EHD3: variants seen among roughly 807,000 people sequenced by gnomAD.
The protein encoded by EHD3 is EH domain containing 3.
A neutral mutation model predicts 43.0 loss-of-function variants in EHD3; 17 were observed. That is an observed-to-expected ratio of 0.40 (90% confidence interval 0.27 to 0.59). The LOEUF is 0.59. EHD3 is among the 20% of genes least tolerant of loss of function. The pLI is 0.49. For synonymous variants in EHD3, 313 were observed against 289.5 expected (o/e 1.08, Z -0.82); for missense variants, 594 against 705.6 (o/e 0.84, Z 1.79).
At position 31,261,575 on chromosome 2, in the gene EHD3, G is replaced by A. The variant is rs1355985247; in HGVS notation, c.942G>A (p.Leu314=). 6.2e-7 allele frequency: 1 copy of A among 1,614,232 alleles called. No homozygotes were observed. The highest frequency in any genetic ancestry group is 1.1e-5 in the South Asian group (1 of 91,090). ...TCCACGCCTACATCATCAGCTCTCT[G>A]AAGAAGGAGATGCCCTCGGTGTTCG... is the stretch of plus-strand genomic sequence containing the variant. ...AKVHAYIISS[L]KKEMPSVFGK... The change falls in exon 5 of 6, where the codon CTG becomes CTA. Residue 314 remains leucine (L), a synonymous_variant. Coordinates refer to ENST00000322054, the MANE Select transcript of EHD3 (RefSeq NM_014600.3).
At chr2:31,252,471 G>GC (rs1463968678) in intron 3 of EHD3, among the ~76,000 whole-genome samples, 2 of 152,134 alleles carry the variant, frequency 1.3e-5, no homozygotes, top group African/African-American at 4.8e-5. Flanking sequence ...TGTTGTTGTT[G>GC]TTGTTGCTGT....
intron 3 of EHD3, among the ~76,000 whole-genome samples, chr2:31,256,437 G>A (rs905486409): frequency 3.9e-5 from 6 of 152,132 alleles, no homozygotes; most frequent in African/African-American, 1.2e-4. Flanking sequence ...CGTTTTCCAC[G>A]TTTCACTTCC....
chr2:31,251,317 G>T (rs1406826855), intron 3 of EHD3, among the ~76,000 whole-genome samples: 1 of 152,198 alleles, frequency 6.6e-6, no homozygotes, highest in East Asian at 1.9e-4. Context: ...GGAGTGGAAA[G>T]GGAAGACAGT....
intron 1 of EHD3, among the ~76,000 whole-genome samples, chr2:31,243,821 A>G (rs1394745031): frequency 6.6e-6 from 1 of 152,008 alleles, no homozygotes; most frequent in Non-Finnish European, 1.5e-5. Flanking sequence ...AGCTATTTTT[A>G]TATTAAAGAA....
intron 3 of EHD3, among the ~76,000 whole-genome samples, chr2:31,254,153 G>T (rs751574772): frequency 9.2e-5 from 14 of 152,142 alleles, no homozygotes; most frequent in Non-Finnish European, 1.9e-4. Context: ...TAGGGAACTC[G>T]GGTCTTCCTA....
At chr2:31,265,684 A>G (rs1368770354) in intron 5 of EHD3, among the ~76,000 whole-genome samples, 3 of 152,114 alleles carry the variant, frequency 2.0e-5, no homozygotes, top group Non-Finnish European at 4.4e-5. Context: ...CTACCTCAGA[A>G]GGGCGCTGGG....
intron 3 of EHD3, among the ~76,000 whole-genome samples, chr2:31,250,993 C>G (rs772905337): frequency 6.6e-6 from 1 of 152,244 alleles, no homozygotes; most frequent in Non-Finnish European, 1.5e-5. Flanking sequence ...AACCTTTGCT[C>G]TTTCTGCAAG....
rs868772924 is a variant in EHD3 at position 31,266,879 on chromosome 2, G to A, written c.*175G>A. On this transcript the variant is annotated 3_prime_UTR_variant, in exon 6 of 6. Coordinates refer to ENST00000322054, the MANE Select transcript of EHD3 (RefSeq NM_014600.3). This position sits in a 1 kb window ranked among gnomAD's most constrained non-coding sequence, Gnocchi z 5.1. ...ACGCCCATGTTTGCAGCTGATACTT[G>A]TTTGGGCACACCTCCAAGTTCTCGG... The A allele has an allele frequency of 1.1e-4, 89 of 807,180 alleles. No homozygotes were observed. The Middle Eastern group carries it at 2.2e-3, about 20-fold the overall frequency. 50.0% of individuals were successfully genotyped at this position (807,180 alleles called of 1,614,324 possible).
At position 31,260,940 on chromosome 2, in the gene EHD3, G is replaced by C. The variant is rs1412261756; in HGVS notation, c.915+18G>C. On this transcript the variant is annotated intron_variant, in intron 4 of 5. Transcript: ENST00000322054. The surrounding 1 kb of genome is among the most constrained non-coding windows in gnomAD (Gnocchi z 4.6). ...TGGCCAAGGTGAGGCAGCCCCCTGG[G>C]AGGTGGGCAGCTTGGGCAGGGGCCC... The C allele has an allele frequency of 6.4e-7, 1 of 1,572,898 alleles. No homozygotes were observed. Among genetic ancestry groups the C allele is most frequent in the Non-Finnish European group, 8.6e-7 (1 of 1,161,190 alleles).
In EHD3 at chr2:31,234,370, C is replaced by G; in HGVS notation, c.-252C>G. 7.6e-6 allele frequency: 4 copies of G among 527,846 alleles called. No homozygotes were observed. Among genetic ancestry groups the G allele is most frequent in the Non-Finnish European group, 1.4e-5 (4 of 293,830 alleles). The allele number at this position is 527,846 out of a possible 1,614,324, so 32.7% of individuals were successfully genotyped here. ...TTGCCAAGATTTCACCCCTCCTCCT[C>G]AAGCCCAGATTATTTATCCTCCCTC... On this transcript the variant is annotated 5_prime_UTR_variant, in exon 1 of 6. Coordinates refer to ENST00000322054, the MANE Select transcript of EHD3 (RefSeq NM_014600.3).
intron 3 of EHD3, among the ~76,000 whole-genome samples, chr2:31,254,528 C>T (rs1035660341): frequency 2.0e-5 from 3 of 152,252 alleles, no homozygotes; most frequent in African/African-American, 7.2e-5. Context: ...TCTAATGTGG[C>T]ATTTCTTCCC....
Position 31,261,654 on chromosome 2 carries a change from C to T in EHD3, c.1021C>T (p.Arg341Trp), listed in dbSNP as rs370790409. The change falls in exon 5 of 6, where the codon CGG becomes TGG. Residue 341 changes from arginine to tryptophan, a missense_variant. Arg to Trp is a moderately radical substitution (Grantham distance 101). Around this residue, in one of 3 missense-constraint regions of EHD3, gnomAD observed 322 missense variants for 348.0 expected, o/e 0.93. Coordinates refer to ENST00000322054, the MANE Select transcript of EHD3 (RefSeq NM_014600.3). ...CAACAACCTGGCCGAGATCTATGGC[C>T]GGATCGAGCGGGAGCACCAGATCTC... ...LVNNLAEIYGRIEREHQISPG... is the reference protein window; with the variant it reads ...LVNNLAEIYGWIEREHQISPG... The T allele has an allele frequency of 2.9e-5, 47 of 1,614,192 alleles. No homozygotes were observed. Among genetic ancestry groups the T allele is most frequent in the Non-Finnish European group, 3.7e-5 (44 of 1,180,032 alleles).
In EHD3 at chr2:31,266,618, A is replaced by G; in HGVS notation, c.1522A>G (p.Ile508Val). 6.2e-7 allele frequency: 1 copy of G among 1,613,286 alleles called. No individual in the cohort carries two copies. Among genetic ancestry groups the G allele is most frequent in the Non-Finnish European group, 8.5e-7 (1 of 1,179,264 alleles). The stretch of plus-strand genomic sequence containing the variant: ...CGAGTTTGCACTGGCCAACCACCTC[A>G]TCAAAGTCAAGCTGGAGGGGCACGA... ...DDEFALANHL[I>V]KVKLEGHELP... The change falls in exon 6 of 6, where the codon ATC (isoleucine) becomes GTC (valine). Residue 508 changes from isoleucine (I) to valine (V), a missense_variant. Transcript: ENST00000322054. This position sits in a 1 kb window ranked among gnomAD's most constrained non-coding sequence, Gnocchi z 5.1.
At chr2:31,246,869 G>GA (rs972113321) in intron 2 of EHD3, among the ~76,000 whole-genome samples, 11 of 151,004 alleles carry the variant, frequency 7.3e-5, no homozygotes, top group African/African-American at 1.9e-4. Flanking sequence ...AGAGAGAAAG[G>GA]AAAAAATATA....
At chr2:31,243,418 ATTTT>A (rs1375759593) in intron 1 of EHD3, among the ~76,000 whole-genome samples, 1 of 132,250 alleles carries the variant, frequency 7.6e-6, no homozygotes, top group Non-Finnish European at 1.6e-5. Flanking sequence ...ATGGAGATTC[ATTTT>A]TCTTTCTTTC....
intron 1 of EHD3, among the ~76,000 whole-genome samples, chr2:31,236,642 G>A (rs950413987): frequency 2.0e-5 from 3 of 152,186 alleles, no homozygotes; most frequent in Non-Finnish European, 4.4e-5. Flanking sequence ...GCCTTCCCTG[G>A]CTCTCTACAC....
At position 31,266,839 on chromosome 2, in the gene EHD3, TGA is replaced by T; in HGVS notation, c.*141_*142del. ...GCATATCTTGACATTGCTCTGTAGG[TGA>T]GAGAGGACCATGACGCCCATGTTTG... On this transcript the variant is annotated 3_prime_UTR_variant, in exon 6 of 6. Transcript: ENST00000322054. The surrounding 1 kb of genome is among the most constrained non-coding windows in gnomAD (Gnocchi z 5.1). The T allele has an allele frequency of 8.4e-7, 1 of 1,186,460 alleles. No homozygotes were observed. The highest frequency in any genetic ancestry group is 1.7e-5 in the South Asian group (1 of 60,408). 73.5% of individuals were successfully genotyped at this position (1,186,460 alleles called of 1,614,324 possible). A position where few individuals can be genotyped will look rare whatever the true frequency, so the allele number is the denominator to read the frequency against.
At chr2:31,247,615 G>T (rs1193045803) in intron 2 of EHD3, among the ~76,000 whole-genome samples, 1 of 152,156 alleles carries the variant, frequency 6.6e-6, no homozygotes, top group Non-Finnish European at 1.5e-5. Flanking sequence ...CTTACTAAGG[G>T]ATAGAATTCG....
chr2:31,249,133 C>A (rs1683585001), intron 2 of EHD3, among the ~76,000 whole-genome samples: 1 of 152,174 alleles, frequency 6.6e-6, no homozygotes, highest in South Asian at 2.1e-4. Context: ...AGCATTTTAC[C>A]AAACACACCC....
Sources: gnomAD v4.1 joint callset for allele counts (sites outside exome capture counted in the v4.1 genomes callset) on GRCh38, gnomAD v4.1.1 for gene constraint, gnomAD v4.1.1 regional missense constraint, Gnocchi (gnomAD v3.1) non-coding constraint, MANE v1.5 for transcripts, NCBI Gene and HGNC (gene_info 2026-07-23, HGNC 2026-07-21) for gene names.